XRN1: variants seen among roughly 807,000 people sequenced by gnomAD.
XRN1 encodes 5'-3' exoribonuclease 1, also known as strand-exchange protein 1 homolog.
A neutral mutation model predicts 222.3 loss-of-function variants in XRN1; 67 were observed. The ratio of observed to expected loss-of-function variants is 0.30; its 90% CI spans 0.25 to 0.37. XRN1 has a LOEUF of 0.37. Among genes scored for constraint, XRN1 ranks in the 10% least tolerant of loss-of-function variants. XRN1 has a pLI of 1.00. For synonymous variants in XRN1, 643 were observed against 652.4 expected, an observed-to-expected ratio of 0.99 and a Z score of 0.22; for missense variants, 1,707 against 2,000.2, an observed-to-expected ratio of 0.85 and a Z score of 2.80.
At chr3:142,405,368 T>C (rs1265863182) in intron 15 of XRN1, among the ~76,000 whole-genome samples, 2 of 152,188 alleles carry the variant, frequency 1.3e-5, no homozygotes, top group Non-Finnish European at 2.9e-5. Flanking sequence ...AAATTTTAAG[T>C]GTGAATCTAT....
chr3:142,426,648 C>A, intron 3 of XRN1, 96 bp downstream of exon 3: 1 of 1,229,864 alleles, frequency 8.1e-7, no homozygotes, highest in Non-Finnish European at 1.1e-6. Context: ...ACCCTAAGGC[C>A]AAAATAAATA....
At chr3:142,400,286 T>C (rs1033745505) in intron 19 of XRN1, among the ~76,000 whole-genome samples, 158 bp downstream of exon 19, 3 of 152,238 alleles carry the variant, frequency 2.0e-5, no homozygotes, top group Non-Finnish European at 4.4e-5. Flanking sequence ...TCAATAGTGT[T>C]TGAACTTCAA....
chr3:142,442,980 G>A (rs577777494), intron 1 of XRN1, among the ~76,000 whole-genome samples: 127 of 152,196 alleles, frequency 8.3e-4, no homozygotes, highest in African/African-American at 2.9e-3. Flanking sequence ...TGATCCACCC[G>A]CCTCGGCCTC....
chr3:142,360,009 T>C, intron 29 of XRN1, 78 bp from the exon 30 acceptor site: 1 of 902,704 alleles, frequency 1.1e-6, no homozygotes. Flanking sequence ...TTGGAGTGTT[T>C]GGAAGTATTT....
chr3:142,367,590 G>C (rs1487549145), intron 27 of XRN1, among the ~76,000 whole-genome samples: 1 of 151,750 alleles, frequency 6.6e-6, no homozygotes, highest in Non-Finnish European at 1.5e-5. Context: ...CTGTCACCCA[G>C]GCCAGAGTGC....
intron 29 of XRN1, among the ~76,000 whole-genome samples, chr3:142,360,843 C>CAGCCTGGGCGACAG (rs2107844395): frequency 7.3e-6 from 1 of 137,222 alleles, no homozygotes; most frequent in Non-Finnish European, 1.5e-5. Context: ...CACTGCACTC[C>CAGCCTGGGCGACAG]AGCCTGGGCG....
chr3:142,368,964 AT>A (rs775735331), intron 27 of XRN1, among the ~76,000 whole-genome samples: 5 of 152,164 alleles, frequency 3.3e-5, no homozygotes, highest in Admixed American at 3.3e-4. Context: ...GGCAGGTACT[AT>A]TTTATTCTAA....
At chr3:142,375,974 GCACACACACACA>G (rs66486380) in intron 24 of XRN1, 30 bp from the exon 25 acceptor site, 4 of 1,447,368 alleles carry the variant, frequency 2.8e-6, no homozygotes, top group Non-Finnish European at 3.7e-6. Flanking sequence ...GCGCACACGT[GCACACACACACA>G]CACACACACA....
At chr3:142,419,080 T>C (rs1196057692) in intron 10 of XRN1, among the ~76,000 whole-genome samples, 199 bp from the exon 11 acceptor site, 1 of 152,220 alleles carries the variant, frequency 6.6e-6, no homozygotes, top group Non-Finnish European at 1.5e-5. Flanking sequence ...CTACTGCCAA[T>C]GACTCTCTTT....
At chr3:142,354,597 G>A (rs911627196) in intron 32 of XRN1, among the ~76,000 whole-genome samples, 3 of 152,088 alleles carry the variant, frequency 2.0e-5, no homozygotes, top group African/African-American at 7.2e-5. Flanking sequence ...TTACTCTGTC[G>A]CCCAGGCTGG....
chr3:142,444,585 G>C (rs574178976), intron 1 of XRN1, among the ~76,000 whole-genome samples: 1 of 152,032 alleles, frequency 6.6e-6, no homozygotes, highest in South Asian at 2.1e-4. Flanking sequence ...CTCCAGCCGG[G>C]GTGACAGAGC....
At chr3:142,318,321 C>T (rs868440071) in intron 39 of XRN1, among the ~76,000 whole-genome samples, 8 of 151,420 alleles carry the variant, frequency 5.3e-5, no homozygotes, top group African/African-American at 1.7e-4. Flanking sequence ...TTTTTTTTAC[C>T]TTTTGATGTC....
At chr3:142,379,718 A>T (rs553817639) in intron 23 of XRN1, among the ~76,000 whole-genome samples, 1 of 152,228 alleles carries the variant, frequency 6.6e-6, no homozygotes, top group African/African-American at 2.4e-5. Flanking sequence ...CTTTGCAGAA[A>T]GGCCATTTGT....
At chr3:142,391,921 A>C (rs1398499056) in intron 20 of XRN1, among the ~76,000 whole-genome samples, 1 of 151,652 alleles carries the variant, frequency 6.6e-6, no homozygotes, top group Non-Finnish European at 1.5e-5. Context: ...TGATTACTAG[A>C]TCTGTCAGGA....
chr3:142,430,206 C>A (rs1409301729), intron 2 of XRN1, among the ~76,000 whole-genome samples: 2 of 152,168 alleles, frequency 1.3e-5, no homozygotes, highest in Admixed American at 6.5e-5. Context: ...TCCCTTACGG[C>A]TCACCTAGAT....
intron 37 of XRN1, among the ~76,000 whole-genome samples, chr3:142,321,701 A>G (rs2065361605): frequency 6.6e-6 from 1 of 152,094 alleles, no homozygotes; most frequent in Non-Finnish European, 1.5e-5. Flanking sequence ...TTTATTCCTT[A>G]GCATTTTATT....
Position 142,324,640 on chromosome 3 carries a change from T to C in XRN1, c.4404+4794A>G, listed in dbSNP as rs541433230. ...ATGGGATGGCTGGGTCAAATGGTAT[T>C]TCTAGTTCTAGATCCCTGAGGAAAT... On this transcript the variant is annotated intron_variant, in intron 37 of 40. Transcript: ENST00000392981. Among the ~76,000 whole-genome samples the C allele has an allele frequency of 3.9e-5, 6 of 151,984 alleles. No homozygotes were observed. In the East Asian group the frequency reaches 7.7e-4, roughly 20 times the overall value.
At chr3:142,440,616 T>C (rs4583672) in intron 1 of XRN1, among the ~76,000 whole-genome samples, 1,889 of 152,168 alleles carry the variant, frequency 0.012, 45 homozygotes, top group African/African-American at 0.042. Context: ...CAATAGCTCC[T>C]GCAATACTCC....
intron 37 of XRN1, among the ~76,000 whole-genome samples, chr3:142,324,846 G>A (rs952793916): frequency 3.9e-5 from 6 of 152,134 alleles, no homozygotes; most frequent in African/African-American, 1.4e-4. Context: ...CTGATGGCCA[G>A]TGATGATGAG....
Sources: allele counts gnomAD v4.1 joint callset (sites outside exome capture counted in the v4.1 genomes callset), GRCh38; gene constraint gnomAD v4.1.1; transcripts MANE v1.5; gene names NCBI Gene and HGNC (gene_info 2026-07-23, HGNC 2026-07-21).